ARSG: variants seen among roughly 807,000 people sequenced by gnomAD.
ARSG encodes arylsulfatase G.
In ARSG, 37 loss-of-function variants were observed where a neutral mutation model predicts 50.5. The ratio of observed to expected loss-of-function variants is 0.73; its 90% confidence interval spans 0.56 to 0.96. The LOEUF is 0.96. ARSG is among the 50% of genes least tolerant of loss of function. The pLI, the probability that ARSG is intolerant of heterozygous loss-of-function variation, is 0.00. For missense variants in ARSG, 629 were observed against 675.3 expected, an observed-to-expected ratio of 0.93 and a Z score of 0.76; for synonymous variants, 225 against 254.6, an observed-to-expected ratio of 0.88 and a Z score of 1.11.
chr17:68,404,120 T>A (rs2081601420), intron 11 of ARSG, among the ~76,000 whole-genome samples: 1 of 152,208 alleles, frequency 6.6e-6, no homozygotes, highest in African/African-American at 2.4e-5. Context: ...GATGGACATT[T>A]GGGTTGGGTC....
chr17:68,360,992 T>G (rs997791884), intron 6 of ARSG, among the ~76,000 whole-genome samples: 1 of 152,046 alleles, frequency 6.6e-6, no homozygotes, highest in African/African-American at 2.4e-5. Flanking sequence ...ACCCAGCTAA[T>G]TTTTGTATTT....
chr17:68,426,253 G>GGGCCCCCCCCCCC, downstream of ARSG: 1 of 841,018 alleles, frequency 1.2e-6, no homozygotes, highest in Non-Finnish European at 1.9e-6. Context: ...GGGGAGCGGG[G>GGGCCCCCCCCCCC]GCTCAAATAA....
intron 2 of ARSG, among the ~76,000 whole-genome samples, chr17:68,327,016 C>T (rs569885583): frequency 3.4e-4 from 52 of 152,186 alleles, no homozygotes; most frequent in Non-Finnish European, 6.5e-4. Flanking sequence ...GGCTGCAAGA[C>T]AGTTTCACGT....
intron 1 of ARSG, among the ~76,000 whole-genome samples, chr17:68,275,356 T>G (rs2075480277): frequency 6.6e-6 from 1 of 152,178 alleles, no homozygotes; most frequent in Non-Finnish European, 1.5e-5. Flanking sequence ...TCCATTTTTT[T>G]GGGTTAGTCT....
At chr17:68,325,175 C>T (rs552505606) in intron 2 of ARSG, among the ~76,000 whole-genome samples, 10 of 152,264 alleles carry the variant, frequency 6.6e-5, no homozygotes, top group East Asian at 1.9e-4. Context: ...CTTGCATTAC[C>T]GCCTGAGCTC....
intron 2 of ARSG, among the ~76,000 whole-genome samples, chr17:68,333,099 A>G (rs9900181): frequency 0.012 from 1,809 of 151,446 alleles, 32 homozygotes; most frequent in African/African-American, 0.042. Context: ...TCATGAGGTC[A>G]GGAGATTGAG....
chr17:68,396,013 T>G (rs973020151), intron 10 of ARSG, among the ~76,000 whole-genome samples: 8 of 121,440 alleles, frequency 6.6e-5, no homozygotes, highest in African/African-American at 2.1e-4. Context: ...TTTTTTTTTT[T>G]TGTTTTTTTT....
At chr17:68,291,078 C>G (rs1311349710), upstream of ARSG, 2 of 152,150 alleles carry the variant, frequency 1.3e-5, no homozygotes, top group Non-Finnish European at 2.9e-5. Flanking sequence ...AATAATAAAC[C>G]AACTCACCAA....
chr17:68,270,997 C>T (rs531346373), intron 1 of ARSG: 1 of 1,614,146 alleles, frequency 6.2e-7, no homozygotes, highest in African/African-American at 1.3e-5. Context: ...AAATATGCTG[C>T]ATGACATTAG....
intron 2 of ARSG, among the ~76,000 whole-genome samples, chr17:68,313,175 G>A (rs2076933415): frequency 6.6e-6 from 1 of 152,056 alleles, no homozygotes. Context: ...GCAGGAGAAT[G>A]GCGTGAACCC....
At chr17:68,327,643 T>C (rs1405692938) in intron 2 of ARSG, among the ~76,000 whole-genome samples, 1 of 152,172 alleles carries the variant, frequency 6.6e-6, no homozygotes, top group African/African-American at 2.4e-5. Flanking sequence ...TCATCTTAAC[T>C]TAAAATTACC....
intron 2 of ARSG, among the ~76,000 whole-genome samples, chr17:68,322,628 T>TAA (rs143585124): frequency 3.1e-5 from 4 of 127,730 alleles, no homozygotes; most frequent in South Asian, 4.9e-4. Flanking sequence ...AAAAATAAAA[T>TAA]AAAAAAAAAT....
upstream of ARSG, among the ~76,000 whole-genome samples, chr17:68,288,864 G>A (rs1446812732): frequency 6.6e-6 from 1 of 152,196 alleles, no homozygotes; most frequent in Non-Finnish European, 1.5e-5. Context: ...TCTATCATCT[G>A]TAAAGCATGG....
Position 68,394,735 on chromosome 17 carries a change from A to G in ARSG, c.1092-338A>G, listed in dbSNP as rs538530006. 2.2e-4 allele frequency among the ~76,000 whole-genome samples: 33 copies of G among 152,264 alleles called. 1 individual carries two copies. The Middle Eastern group carries it at 0.01, about 47-fold the overall frequency. On this transcript the variant is annotated intron_variant, in intron 9 of 11. Transcript: ENST00000621439. ...GGCCCTTAGAATGTGTCTCTCTCTG[A>G]TAAGGGGGGACTACTATATTATTAA...
At chr17:68,292,644 C>T (rs1555756678) in intron 1 of ARSG, among the ~76,000 whole-genome samples, 1 of 152,124 alleles carries the variant, frequency 6.6e-6, no homozygotes, top group Admixed American at 6.5e-5. Context: ...GGAGTGCATG[C>T]ACGGAGGGTC....
At chr17:68,326,682 A>G (rs2077517899) in intron 2 of ARSG, among the ~76,000 whole-genome samples, 2 of 152,168 alleles carry the variant, frequency 1.3e-5, no homozygotes, top group South Asian at 2.1e-4. Flanking sequence ...AAACAAACAA[A>G]AAAAGCAGAA....
chr17:68,299,437 A>C (rs985741877), intron 1 of ARSG, among the ~76,000 whole-genome samples: 1 of 151,918 alleles, frequency 6.6e-6, no homozygotes, highest in Non-Finnish European at 1.5e-5. Flanking sequence ...TAAACCACTG[A>C]TCAGGCTGAA....
intron 1 of ARSG, chr17:68,268,756 C>A: frequency 4.3e-6 from 1 of 234,520 alleles, no homozygotes; most frequent in East Asian, 1.0e-4. Flanking sequence ...CTTTTAAAAC[C>A]ACTTTGCCAG....
At chr17:68,383,566 C>T (rs192344815) in intron 8 of ARSG, among the ~76,000 whole-genome samples, 10 of 152,358 alleles carry the variant, frequency 6.6e-5, no homozygotes, top group African/African-American at 1.2e-4. Flanking sequence ...GATGCCCCCA[C>T]GGGGGTGGAA....
Sources: allele counts gnomAD v4.1 joint callset (sites outside exome capture counted in the v4.1 genomes callset), GRCh38; gene constraint gnomAD v4.1.1; transcripts MANE v1.5; gene names NCBI Gene and HGNC (gene_info 2026-07-23, HGNC 2026-07-21).